ADGRL3: variants seen among roughly 807,000 people sequenced by gnomAD.
ADGRL3 encodes the protein calcium-independent alpha-latrotoxin receptor 3.
In ADGRL3, 62 loss-of-function variants were observed where a neutral mutation model predicts 153.5. The ratio of observed to expected loss-of-function variants is 0.40; its 90% CI spans 0.33 to 0.50. The LOEUF is 0.50. ADGRL3 is among the 20% of genes least tolerant of loss of function. The pLI, the probability that ADGRL3 is intolerant of heterozygous loss-of-function variation, is 0.47. For missense variants in ADGRL3, 1,641 were observed against 1,859.4 expected (o/e 0.88, Z 2.16); for synonymous variants, 710 against 672.5 (o/e 1.06, Z -0.86).
intron 6 of ADGRL3, among the ~76,000 whole-genome samples, chr4:61,714,508 C>A (rs1040865402): frequency 2.6e-5 from 4 of 152,090 alleles, no homozygotes; most frequent in Admixed American, 1.3e-4. Flanking sequence ...TACCTAATTC[C>A]CATCTCAAAT....
chr4:61,714,213 T>A (rs1156285677), intron 6 of ADGRL3, among the ~76,000 whole-genome samples: 8 of 43,428 alleles, frequency 1.8e-4, no homozygotes, highest in African/African-American at 1.2e-3. Context: ...AGCTGCCATG[T>A]AAAATACGCA....
intron 5 of ADGRL3, among the ~76,000 whole-genome samples, chr4:61,653,938 A>G (rs2094358023): frequency 6.6e-6 from 1 of 152,192 alleles, no homozygotes; most frequent in South Asian, 2.1e-4. Flanking sequence ...AGGCAAATAG[A>G]TGTCGCTACA....
At chr4:61,863,423 G>T (rs1233180639) in intron 9 of ADGRL3, among the ~76,000 whole-genome samples, 2 of 151,372 alleles carry the variant, frequency 1.3e-5, no homozygotes, top group East Asian at 3.9e-4. Context: ...ATTTTTAGTA[G>T]AGACGAGGTT....
intron 9 of ADGRL3, among the ~76,000 whole-genome samples, chr4:61,850,221 A>G (rs2098185360): frequency 6.6e-6 from 1 of 152,074 alleles, no homozygotes; most frequent in Non-Finnish European, 1.5e-5. Flanking sequence ...ATCTCCTTTT[A>G]TCTTCATGAA....
chr4:61,930,528 G>C (rs1379607851), intron 13 of ADGRL3, among the ~76,000 whole-genome samples: 2 of 152,202 alleles, frequency 1.3e-5, no homozygotes, highest in Admixed American at 1.3e-4. Context: ...TCTGTATTTT[G>C]AAATATAGAA....
At chr4:61,358,565 C>T (rs1482992524) in intron 1 of ADGRL3, among the ~76,000 whole-genome samples, 1 of 138,732 alleles carries the variant, frequency 7.2e-6, no homozygotes, top group Non-Finnish European at 1.5e-5. Flanking sequence ...CCACTGCACT[C>T]CAGCCTGGGC....
At chr4:61,831,230 T>G (rs550416589) in intron 9 of ADGRL3, among the ~76,000 whole-genome samples, 1 of 151,826 alleles carries the variant, frequency 6.6e-6, no homozygotes, top group Non-Finnish European at 1.5e-5. Flanking sequence ...AGGGAGAATT[T>G]TGATTCTGAC....
At chr4:61,785,651 G>A (rs2097267803) in intron 8 of ADGRL3, among the ~76,000 whole-genome samples, 2 of 152,200 alleles carry the variant, frequency 1.3e-5, no homozygotes, top group African/African-American at 4.8e-5. Flanking sequence ...AATTTTCTTA[G>A]TCTCTCTCTT....
chr4:61,775,933 C>G (rs1469304604), intron 8 of ADGRL3: 1 of 187,098 alleles, frequency 5.3e-6, no homozygotes, highest in African/African-American at 2.4e-5. Flanking sequence ...CGGAGTCTCA[C>G]TCTGTCGCCC....
chr4:62,046,158 A>G (rs1731013112), intron 25 of ADGRL3, among the ~76,000 whole-genome samples: 1 of 151,892 alleles, frequency 6.6e-6, no homozygotes, highest in South Asian at 2.1e-4. Context: ...TATAGGATTT[A>G]TTGATAGAAC....
At chr4:61,488,348 T>C (rs2098220108) in intron 2 of ADGRL3, among the ~76,000 whole-genome samples, 1 of 152,024 alleles carries the variant, frequency 6.6e-6, no homozygotes, top group Non-Finnish European at 1.5e-5. Context: ...AAAATAAATA[T>C]TATTTGCCAG....
intron 9 of ADGRL3, among the ~76,000 whole-genome samples, chr4:61,878,063 CAGTT>C (rs2098486014): frequency 6.6e-6 from 1 of 152,140 alleles, no homozygotes; most frequent in Non-Finnish European, 1.5e-5. Flanking sequence ...AACTGTGAGT[CAGTT>C]TGACCAATTT....
Position 61,202,734 on chromosome 4 carries a change from C to A in ADGRL3, c.-240+969C>A, listed in dbSNP as rs752237523. On this transcript the variant is annotated intron_variant, in intron 1 of 26. Transcript: ENST00000683033. This position sits in a 1 kb window ranked among gnomAD's most constrained non-coding sequence, Gnocchi z 5.0. ...GAAGCTTAGGGTGCCAGGCCCCCAGCACTATAGGTGGGTGTGTGTGTGTCT... is the reference window on the plus strand; with the variant it reads ...GAAGCTTAGGGTGCCAGGCCCCCAGAACTATAGGTGGGTGTGTGTGTGTCT... Among the ~76,000 whole-genome samples the A allele has an allele frequency of 6.6e-6, 1 of 152,090 alleles. No homozygotes were observed. The highest frequency in any genetic ancestry group is 1.5e-5 in the Non-Finnish European group (1 of 68,016).
At chr4:61,381,414 G>T (rs2096667493) in intron 1 of ADGRL3, among the ~76,000 whole-genome samples, 1 of 151,634 alleles carries the variant, frequency 6.6e-6, no homozygotes, top group East Asian at 2.0e-4. Flanking sequence ...TTAGAGAGGG[G>T]TGATACAGAT....
intron 9 of ADGRL3, among the ~76,000 whole-genome samples, chr4:61,891,380 T>C (rs554566751): frequency 1.3e-4 from 19 of 151,874 alleles, no homozygotes; most frequent in African/African-American, 3.9e-4. Flanking sequence ...AAAGGGACCA[T>C]GAGAGAAAGA....
chr4:61,494,107 A>G (rs1165627244), intron 2 of ADGRL3, among the ~76,000 whole-genome samples: 5 of 143,840 alleles, frequency 3.5e-5, no homozygotes, highest in Non-Finnish European at 1.5e-5. Flanking sequence ...TCACTACAGT[A>G]TGGGTTGTGA....
At chr4:61,792,194 G>T (rs577827178) in intron 8 of ADGRL3, among the ~76,000 whole-genome samples, 37 of 150,290 alleles carry the variant, frequency 2.5e-4, no homozygotes, top group African/African-American at 8.8e-4. Context: ...CAGCACCCAA[G>T]TCACCTCTTT....
intron 2 of ADGRL3, among the ~76,000 whole-genome samples, chr4:61,461,827 T>C (rs890334812): frequency 1.3e-5 from 2 of 152,270 alleles, no homozygotes; most frequent in Middle Eastern, 6.8e-3. Context: ...ACTCCAAGAT[T>C]ACAGCCAGTT....
intron 4 of ADGRL3, among the ~76,000 whole-genome samples, chr4:61,554,828 G>C (rs1473548051): frequency 6.6e-6 from 1 of 152,156 alleles, no homozygotes; most frequent in Non-Finnish European, 1.5e-5. Flanking sequence ...CACACACAGG[G>C]GTTTCCCAGA....
Sources: allele counts gnomAD v4.1 joint callset (sites outside exome capture counted in the v4.1 genomes callset), GRCh38; gene constraint gnomAD v4.1.1; non-coding constraint Gnocchi (gnomAD v3.1); transcripts MANE v1.5; gene names NCBI Gene and HGNC (gene_info 2026-07-23, HGNC 2026-07-21).